AGBL4: variants seen among roughly 807,000 people sequenced by gnomAD.
AGBL4 encodes the protein AGBL carboxypeptidase 4.
In AGBL4, 58 loss-of-function variants were observed where a neutral mutation model predicts 66.4. The ratio of observed to expected loss-of-function variants is 0.87; its 90% CI spans 0.71 to 1.09. AGBL4 has a LOEUF of 1.09. Among genes scored for constraint, AGBL4 ranks in the 50% least tolerant of loss-of-function variants. The pLI is 0.00. For synonymous variants in AGBL4, 234 were observed against 222.9 expected (o/e 1.05, Z -0.44); for missense variants, 579 against 631.0 (o/e 0.92, Z 0.88).
At chr1:49,153,785 A>AT (rs1385158141) in intron 4 of AGBL4, among the ~76,000 whole-genome samples, 5 of 152,032 alleles carry the variant, frequency 3.3e-5, no homozygotes, top group Non-Finnish European at 5.9e-5. Flanking sequence ...ACAAATTGCA[A>AT]TTTTGAATAT....
At chr1:48,808,703 C>G (rs1221168333) in intron 6 of AGBL4, among the ~76,000 whole-genome samples, 3 of 152,330 alleles carry the variant, frequency 2.0e-5, no homozygotes, top group Non-Finnish European at 4.4e-5. Flanking sequence ...GGGCAAGAAA[C>G]AGGCTCCCAA....
rs561441592 is a variant in AGBL4, at chr1:49,564,222, A to C, written c.282+133091T>G. On this transcript the variant is annotated intron_variant, in intron 3 of 13. Coordinates refer to ENST00000371839, the MANE Select transcript of AGBL4 (RefSeq NM_032785.4). ...TCTTTTCTTTATTAGTCTTGCTAGCAGTCTATCAATTTTGTTGATCTTTTC... is the reference window on the plus strand; with the variant it reads ...TCTTTTCTTTATTAGTCTTGCTAGCCGTCTATCAATTTTGTTGATCTTTTC... Among the ~76,000 whole-genome samples the C allele has an allele frequency of 3.4e-4, 52 of 152,124 alleles. 1 individual carries two copies. The South Asian group carries it at 9.5e-3, about 28-fold the overall frequency.
chr1:49,535,913 G>C (rs889978072), intron 3 of AGBL4, among the ~76,000 whole-genome samples: 1 of 152,138 alleles, frequency 6.6e-6, no homozygotes, highest in Non-Finnish European at 1.5e-5. Flanking sequence ...GGATGGTCTA[G>C]ATCTCTTGAC....
intron 4 of AGBL4, among the ~76,000 whole-genome samples, chr1:49,140,073 G>A (rs1646089187): frequency 6.6e-6 from 1 of 152,140 alleles, no homozygotes; most frequent in Admixed American, 6.6e-5. Context: ...TAAATGAATA[G>A]CATAAAGTCA....
chr1:49,419,071 C>T (rs1645487792), intron 3 of AGBL4, among the ~76,000 whole-genome samples: 2 of 152,076 alleles, frequency 1.3e-5, no homozygotes, highest in South Asian at 4.1e-4. Context: ...TAGTAGAAGG[C>T]AAAATCAATA....
At chr1:48,856,066 T>C (rs1486057717) in intron 6 of AGBL4, among the ~76,000 whole-genome samples, 1 of 152,170 alleles carries the variant, frequency 6.6e-6, no homozygotes, top group African/African-American at 2.4e-5. Context: ...AAATTATACA[T>C]GCAGAGAAAA....
intron 3 of AGBL4, among the ~76,000 whole-genome samples, chr1:49,689,140 C>A (rs945032303): frequency 2.0e-5 from 3 of 152,218 alleles, no homozygotes; most frequent in African/African-American, 7.2e-5. Flanking sequence ...CTCAAAAAAT[C>A]TTTGCCCACG....
chr1:49,272,458 T>C (rs1166857635), intron 3 of AGBL4, among the ~76,000 whole-genome samples: 1 of 152,200 alleles, frequency 6.6e-6, no homozygotes, highest in Non-Finnish European at 1.5e-5. Context: ...TAAAATCCAG[T>C]GGTAAATTCC....
At chr1:49,598,680 TGA>T (rs1644897405) in intron 3 of AGBL4, among the ~76,000 whole-genome samples, 2 of 152,088 alleles carry the variant, frequency 1.3e-5, no homozygotes, top group Admixed American at 6.6e-5. Flanking sequence ...GGGACCCACT[TGA>T]GGAGGCAGTC....
intron 5 of AGBL4, among the ~76,000 whole-genome samples, chr1:49,000,822 C>T (rs866545270): frequency 3.9e-5 from 6 of 152,140 alleles, no homozygotes; most frequent in South Asian, 2.1e-4. Flanking sequence ...TATTTCTGGC[C>T]GGATGTAAAA....
rs375756809 is a variant in AGBL4 at position 49,245,545 on chromosome 1, C to T, written c.377+225G>A. On this transcript the variant is annotated intron_variant, in intron 4 of 13. Transcript: ENST00000371839. ...ACCATGTTTCCAACATTCTCAAGAA[C>T]AGTACCCAAAGAATGGCCATACAGA... Among the ~76,000 whole-genome samples the T allele has an allele frequency of 1.4e-3, 216 of 151,966 alleles. 2 individuals carry two copies. Among genetic ancestry groups the T allele is most frequent in the South Asian group, 9.5e-3 (46 of 4,822 alleles).
chr1:49,831,980 CTT>C (rs71572688), intron 2 of AGBL4, among the ~76,000 whole-genome samples: 4 of 145,594 alleles, frequency 2.7e-5, no homozygotes, highest in Non-Finnish European at 6.1e-5. Context: ...GGTGGATAAG[CTT>C]TTTTTTTTTA....
At chr1:49,904,535 A>G (rs927461338) in intron 1 of AGBL4, among the ~76,000 whole-genome samples, 2 of 152,280 alleles carry the variant, frequency 1.3e-5, no homozygotes, top group East Asian at 1.9e-4. Context: ...ATAAGAAATG[A>G]GCTCTTTTAA....
At chr1:49,879,345 G>A (rs1385663455) in intron 1 of AGBL4, among the ~76,000 whole-genome samples, 2 of 150,614 alleles carry the variant, frequency 1.3e-5, no homozygotes, top group African/African-American at 4.9e-5. Context: ...AGCTCTTTTA[G>A]GGCAGGCCTG....
At chr1:49,967,139 C>A (rs1172071146) in intron 1 of AGBL4, among the ~76,000 whole-genome samples, 1 of 152,138 alleles carries the variant, frequency 6.6e-6, no homozygotes, top group Admixed American at 6.5e-5. Flanking sequence ...TAAAAGCATT[C>A]CTATTTCTCC....
chr1:49,156,482 A>G lies in AGBL4; in HGVS notation c.377+89288T>C, dbSNP rs1646432639. On this transcript the variant is annotated intron_variant, in intron 4 of 13. Transcript: ENST00000371839. Reference sequence around the variant, plus strand: ...AAATTAGCTAGATTGTTCTAGCTCAAGGCCTCTCATGAGGTTTTCATCAAG... The same window carrying G: ...AAATTAGCTAGATTGTTCTAGCTCAGGGCCTCTCATGAGGTTTTCATCAAG... Among the ~76,000 whole-genome samples, 3 of 152,188 alleles carry G rather than the reference A, an allele frequency of 2.0e-5. No individual in the cohort carries two copies. The South Asian group carries it at 6.2e-4, about 32-fold the overall frequency.
intron 6 of AGBL4, among the ~76,000 whole-genome samples, chr1:48,725,815 C>T (rs1352333630): frequency 2.6e-5 from 4 of 152,144 alleles, no homozygotes; most frequent in Non-Finnish European, 5.9e-5. Context: ...GAGGCCAAAC[C>T]GTCTCAGCCT....
intron 3 of AGBL4, among the ~76,000 whole-genome samples, chr1:49,654,010 G>C (rs1011430935): frequency 1.3e-5 from 2 of 151,986 alleles, no homozygotes; most frequent in Non-Finnish European, 2.9e-5. Context: ...CCAACCCCAA[G>C]ACACATAATC....
At chr1:49,120,845 TCCAAC>T (rs1166231303) in intron 4 of AGBL4, among the ~76,000 whole-genome samples, 29 of 152,216 alleles carry the variant, frequency 1.9e-4, no homozygotes, top group Admixed American at 6.5e-4. Context: ...GGTTCACCAA[TCCAAC>T]ATAGATTTGG....
Sources: gnomAD v4.1 joint callset for allele counts (sites outside exome capture counted in the v4.1 genomes callset) on GRCh38, gnomAD v4.1.1 for gene constraint, MANE v1.5 for transcripts, NCBI Gene and HGNC (gene_info 2026-07-23, HGNC 2026-07-21) for gene names.